Variants in STIM1 observed in about 807,000 individuals in gnomAD.
STIM1 encodes the protein stromal interaction molecule 1.
Under a neutral mutation model 74.7 loss-of-function variants are expected in STIM1, and 25 were observed. That is an observed-to-expected ratio of 0.33 (90% CI 0.24 to 0.47). The LOEUF (loss-of-function observed/expected upper bound fraction) is 0.47, where lower values mean the gene tolerates loss of function less well. STIM1 is among the 20% of genes least tolerant of loss of function. STIM1 has a pLI of 1.00. For missense variants in STIM1, 728 were observed against 920.8 expected (o/e 0.79, Z 2.71); for synonymous variants, 328 against 348.8 (o/e 0.94, Z 0.66).
At chr11:4,082,123 T>C (rs554847819) in intron 7 of STIM1, 61 bp from the exon 8 acceptor site, 3 of 1,546,294 alleles carry the variant, frequency 1.9e-6, no homozygotes, top group Non-Finnish European at 2.7e-6. Context: ...TGAAGCATCA[T>C]ACAGAGATGT....
intron 3 of STIM1, among the ~76,000 whole-genome samples, chr11:4,039,679 A>C (rs945572775): frequency 6.6e-6 from 1 of 152,080 alleles, no homozygotes; most frequent in Non-Finnish European, 1.5e-5. Context: ...ATTGAAATTA[A>C]ATGTCCATCT....
In STIM1 at chr11:4,061,782, C is replaced by T. The variant is rs554930638; in HGVS notation, c.613+2386C>T. Among the ~76,000 whole-genome samples the T allele has an allele frequency of 1.5e-4, 23 of 152,204 alleles. No homozygotes were observed. In the East Asian group the frequency reaches 2.1e-3, roughly 14 times the overall value. On this transcript the variant is annotated intron_variant, in intron 5 of 12. Coordinates refer to ENST00000526596, the MANE Select transcript of STIM1 (RefSeq NM_001382567.1). ...ATGAATAGATAAATACATTGTGGTG[C>T]AATGGAATATTATTCACCTATAAAT...
Position 4,047,905 on chromosome 11 carries a change from G to A in STIM1, c.386-7621G>A, listed in dbSNP as rs371346073. 1.9e-4 allele frequency among the ~76,000 whole-genome samples: 28 copies of A among 148,450 alleles called. No homozygotes were observed. The East Asian group carries it at 3.5e-3, about 19-fold the overall frequency. On this transcript the variant is annotated intron_variant, in intron 3 of 12. Transcript: ENST00000526596. The stretch of plus-strand genomic sequence containing the variant: ...GTGATCTCAGCTCACTGCAACCTCC[G>A]CCTCCCAGGTTCGAGTGATTCTTCT...
chr11:4,034,304 C>T (rs565011783), intron 3 of STIM1, among the ~76,000 whole-genome samples: 36 of 152,008 alleles, frequency 2.4e-4, no homozygotes, highest in African/African-American at 8.2e-4. Context: ...TTTGTAGTGC[C>T]TCTCTACTCC....
At chr11:3,923,752 T>G (rs993008591) in intron 1 of STIM1, among the ~76,000 whole-genome samples, 1 of 152,122 alleles carries the variant, frequency 6.6e-6, no homozygotes, top group Non-Finnish European at 1.5e-5. Context: ...ACTGTGCTAA[T>G]TTTTATTTTA....
intron 2 of STIM1, among the ~76,000 whole-genome samples, chr11:3,978,946 T>G (rs2093475965): frequency 6.6e-6 from 1 of 152,140 alleles, no homozygotes; most frequent in Non-Finnish European, 1.5e-5. Context: ...TACTAGTTCA[T>G]GTTATGCTGT....
chr11:4,077,000 A>G (rs2094441198), intron 7 of STIM1, among the ~76,000 whole-genome samples: 2 of 151,992 alleles, frequency 1.3e-5, no homozygotes, highest in Non-Finnish European at 2.9e-5. Flanking sequence ...GATTAATGCC[A>G]AAACTCAATT....
chr11:3,919,299 G>A (rs977798747), intron 1 of STIM1, among the ~76,000 whole-genome samples: 3 of 152,206 alleles, frequency 2.0e-5, no homozygotes, highest in Non-Finnish European at 4.4e-5. Context: ...TCTGCCTCCC[G>A]GGTTCAAGTG....
At chr11:3,996,179 A>G (rs1329052185) in intron 2 of STIM1, among the ~76,000 whole-genome samples, 1 of 152,200 alleles carries the variant, frequency 6.6e-6, no homozygotes, top group Non-Finnish European at 1.5e-5. Context: ...TCGGCCAGGC[A>G]AAATCTTTGA....
chr11:4,000,247 T>C (rs4910593), intron 2 of STIM1, among the ~76,000 whole-genome samples: 51,386 of 75,020 alleles, frequency 0.68, 20,266 homozygotes, highest in East Asian at 0.86. Context: ...TCTCCCAGCA[T>C]GCAGCTGCAG....
At position 3,984,332 on chromosome 11, in the gene STIM1, C is replaced by T. The variant is rs140582369; in HGVS notation, c.270+16650C>T. Among the ~76,000 whole-genome samples the T allele has an allele frequency of 1.9e-4, 29 of 152,320 alleles. No individual in the cohort carries two copies. In the East Asian group the frequency reaches 5.4e-3, roughly 28 times the overall value. The stretch of plus-strand genomic sequence containing the variant: ...GCCTGTATCCTGGTGCAGTCATCAT[C>T]TTGTCTCCTACTTCATGGAACATTC... On this transcript the variant is annotated intron_variant, in intron 2 of 12. Transcript: ENST00000526596.
intron 1 of STIM1, among the ~76,000 whole-genome samples, chr11:3,882,836 T>G (rs2091567436): frequency 6.6e-6 from 1 of 152,234 alleles, no homozygotes; most frequent in Non-Finnish European, 1.5e-5. Flanking sequence ...ATTATAACCA[T>G]TCTTGTGGAT....
chr11:3,981,913 A>C (rs1229182217), intron 2 of STIM1, among the ~76,000 whole-genome samples: 1 of 152,250 alleles, frequency 6.6e-6, no homozygotes, highest in Non-Finnish European at 1.5e-5. Context: ...TGTACTTATA[A>C]AGCAAGAAAG....
At chr11:3,877,459 C>A (rs1184737058) in intron 1 of STIM1, among the ~76,000 whole-genome samples, 2 of 152,104 alleles carry the variant, frequency 1.3e-5, no homozygotes, top group Non-Finnish European at 2.9e-5. Flanking sequence ...CTGGACTTAG[C>A]TGATTTGCAT....
intron 1 of STIM1, among the ~76,000 whole-genome samples, chr11:3,936,130 A>T (rs1395067807): frequency 6.6e-6 from 1 of 152,234 alleles, no homozygotes; most frequent in Non-Finnish European, 1.5e-5. Flanking sequence ...TTTCATCAGT[A>T]GGTACTTTTG....
At chr11:4,059,810 G>C (rs1333604721) in intron 5 of STIM1, among the ~76,000 whole-genome samples, 2 of 152,176 alleles carry the variant, frequency 1.3e-5, no homozygotes, top group African/African-American at 4.8e-5. Flanking sequence ...GGAGGTGGCA[G>C]AATAGGACAT....
At chr11:3,858,488 TG>T (rs2090473585) in intron 1 of STIM1, among the ~76,000 whole-genome samples, 1 of 152,226 alleles carries the variant, frequency 6.6e-6, no homozygotes, top group Non-Finnish European at 1.5e-5. Context: ...CTAAGGTTTG[TG>T]GAAACCTGGA....
chr11:3,922,143 A>G (rs751764888), intron 1 of STIM1, among the ~76,000 whole-genome samples: 31 of 152,182 alleles, frequency 2.0e-4, no homozygotes, highest in Admixed American at 7.2e-4. Context: ...CAAGCAGAAT[A>G]TGAGAATTCT....
intron 1 of STIM1, among the ~76,000 whole-genome samples, chr11:3,859,766 G>A (rs1217302179): frequency 4.6e-5 from 7 of 152,222 alleles, no homozygotes; most frequent in Admixed American, 2.0e-4. Context: ...GGTGGCTCCC[G>A]GAACTGGGCT....
Sources: gnomAD v4.1 joint callset for allele counts (sites outside exome capture counted in the v4.1 genomes callset) on GRCh38, gnomAD v4.1.1 for gene constraint, MANE v1.5 for transcripts, NCBI Gene and HGNC (gene_info 2026-07-23, HGNC 2026-07-21) for gene names.